HS3ST4: variants seen among roughly 807,000 people sequenced by gnomAD.
HS3ST4 encodes the protein heparan sulfate glucosamine 3-O-sulfotransferase 4.
HS3ST4 carries 17 observed loss-of-function variants against 29.2 expected under a neutral mutation model. The ratio of observed to expected loss-of-function variants is 0.58; its 90% CI spans 0.40 to 0.87. The LOEUF (loss-of-function observed/expected upper bound fraction) is 0.87. HS3ST4 is among the 40% of genes least tolerant of loss of function. HS3ST4 has a pLI of 0.00. For synonymous variants in HS3ST4, 314 were observed against 285.7 expected (o/e 1.10, Z -1.00); for missense variants, 627 against 634.5 (o/e 0.99, Z 0.13).
chr16:25,821,684 T>C (rs1324754938), intron 1 of HS3ST4, among the ~76,000 whole-genome samples: 1 of 152,176 alleles, frequency 6.6e-6, no homozygotes, highest in East Asian at 1.9e-4. Context: ...CCTAGCACTT[T>C]GGGAGGACGA....
At chr16:25,995,007 T>G (rs1160950337) in intron 1 of HS3ST4, among the ~76,000 whole-genome samples, 1 of 152,210 alleles carries the variant, frequency 6.6e-6, no homozygotes, top group East Asian at 1.9e-4. Context: ...AATTTAAAAC[T>G]TATTTCCATC....
At chr16:26,091,704 G>A (rs1399755497) in intron 1 of HS3ST4, among the ~76,000 whole-genome samples, 1 of 152,136 alleles carries the variant, frequency 6.6e-6, no homozygotes, top group East Asian at 1.9e-4. Context: ...CATTCATCCT[G>A]CAATGTCATG....
At chr16:25,730,355 C>T (rs758197689) in intron 1 of HS3ST4, among the ~76,000 whole-genome samples, 2 of 149,922 alleles carry the variant, frequency 1.3e-5, no homozygotes, top group Non-Finnish European at 3.0e-5. Context: ...TCCTTCTCCT[C>T]CCTCCCTCCC....
intron 1 of HS3ST4, among the ~76,000 whole-genome samples, chr16:25,961,449 T>A (rs1329030300): frequency 6.6e-6 from 1 of 152,242 alleles, no homozygotes; most frequent in East Asian, 1.9e-4. Flanking sequence ...CACACTCATG[T>A]GATTTATTCA....
In HS3ST4 at chr16:25,969,608, T is replaced by A. The variant is rs187357655; in HGVS notation, c.735-166004T>A. On this transcript the variant is annotated intron_variant, in intron 1 of 1. Coordinates refer to ENST00000331351, the MANE Select transcript of HS3ST4 (RefSeq NM_006040.3). ...ATGGCCTGGGACAACTCTCTTAGCA[T>A]CTCTGAGAGTCAGTTTTTTCATGAG... Among the ~76,000 whole-genome samples, 17 of 152,334 alleles carry A rather than the reference T, an allele frequency of 1.1e-4. No individual in the cohort carries two copies. In the East Asian group the frequency reaches 2.9e-3, roughly 26 times the overall value.
At chr16:25,804,375 A>G (rs1030823979) in intron 1 of HS3ST4, among the ~76,000 whole-genome samples, 2 of 152,170 alleles carry the variant, frequency 1.3e-5, no homozygotes, top group Admixed American at 6.5e-5. Context: ...TTGTCAATTC[A>G]GCTCTTCACC....
chr16:25,787,740 A>G (rs1237468294), intron 1 of HS3ST4, among the ~76,000 whole-genome samples: 1 of 152,238 alleles, frequency 6.6e-6, no homozygotes, highest in Non-Finnish European at 1.5e-5. Flanking sequence ...TCTCGATTTT[A>G]TGTGACAATT....
At chr16:25,857,919 C>CTTTCTTTCTTTCTTTCATTCTTT (rs1555469154) in intron 1 of HS3ST4, among the ~76,000 whole-genome samples, 16 of 58,028 alleles carry the variant, frequency 2.8e-4, no homozygotes, top group Non-Finnish European at 5.0e-4. Context: ...TTCCTTCCTT[C>CTTTCTTTCTTTCTTTCATTCTTT]CTTTCTTTCT....
chr16:25,745,122 C>T (rs575861830), intron 1 of HS3ST4, among the ~76,000 whole-genome samples: 26 of 152,158 alleles, frequency 1.7e-4, no homozygotes, highest in South Asian at 6.2e-4. Flanking sequence ...CTTAGTCACA[C>T]GCTTAGTTGC....
intron 1 of HS3ST4, among the ~76,000 whole-genome samples, chr16:25,990,526 G>A (rs1181993747): frequency 1.3e-5 from 2 of 152,234 alleles, no homozygotes; most frequent in Admixed American, 6.5e-5. Context: ...CCAAAGAGAC[G>A]AGTGTGAAGA....
intron 1 of HS3ST4, among the ~76,000 whole-genome samples, chr16:25,835,521 A>G (rs1967347972): frequency 6.6e-6 from 1 of 152,042 alleles, no homozygotes; most frequent in Non-Finnish European, 1.5e-5. Flanking sequence ...GCTAACGTTG[A>G]TTGAGCATTG....
At chr16:25,892,325 T>C (rs1419395837) in intron 1 of HS3ST4, among the ~76,000 whole-genome samples, 2 of 152,174 alleles carry the variant, frequency 1.3e-5, no homozygotes, top group African/African-American at 4.8e-5. Context: ...GAGGAGCTGA[T>C]TCTGTCACTT....
In HS3ST4 at chr16:25,794,903, A is replaced by G. The variant is rs927436819; in HGVS notation, c.734+101752A>G. On this transcript the variant is annotated intron_variant, in intron 1 of 1. Transcript: ENST00000331351. The stretch of plus-strand genomic sequence containing the variant: ...TAAACCTTTACTCAAGAATACACAC[A>G]CACACACACACACACACACACACAC... Among the ~76,000 whole-genome samples the G allele has an allele frequency of 4.0e-3, 213 of 53,472 alleles. 1 individual carries two copies. The highest frequency in any genetic ancestry group is 0.023 in the South Asian group (48 of 2,098). The allele number at this position is 53,472 out of a possible 152,430, so 35.1% of individuals were successfully genotyped here. A position where few individuals can be genotyped will look rare whatever the true frequency, so the allele number is the denominator to read the frequency against.
chr16:26,008,555 A>G (rs560163382), intron 1 of HS3ST4, among the ~76,000 whole-genome samples: 38 of 152,342 alleles, frequency 2.5e-4, no homozygotes, highest in African/African-American at 8.7e-4. Context: ...ACGTTGGCTT[A>G]TGCCTGTAAT....
At chr16:26,074,294 T>A (rs568136995) in intron 1 of HS3ST4, among the ~76,000 whole-genome samples, 27 of 151,900 alleles carry the variant, frequency 1.8e-4, no homozygotes, top group South Asian at 4.2e-4. Flanking sequence ...TCACAAACAA[T>A]TTTTTTTTCT....
intron 1 of HS3ST4, among the ~76,000 whole-genome samples, chr16:26,091,883 G>C (rs1898861605): frequency 6.6e-6 from 1 of 152,178 alleles, no homozygotes; most frequent in Non-Finnish European, 1.5e-5. Flanking sequence ...CGCCTGCTCT[G>C]TACTGAGGTC....
rs74765890 is a variant in HS3ST4, at chr16:25,968,437, C to G, written c.735-167175C>G. Among the ~76,000 whole-genome samples, 6 of 152,248 alleles carry G rather than the reference C, an allele frequency of 3.9e-5. No individual in the cohort carries two copies. In the East Asian group the frequency reaches 9.7e-4, roughly 25 times the overall value. ...CCGTGGTCGCCCCTTAGATGAGGCA[C>G]GTGCACTCCAATTTGCTGCCCCCAT... On this transcript the variant is annotated intron_variant, in intron 1 of 1. Coordinates refer to ENST00000331351, the MANE Select transcript of HS3ST4 (RefSeq NM_006040.3).
chr16:25,994,996 C>A (rs1969146267), intron 1 of HS3ST4, among the ~76,000 whole-genome samples: 1 of 152,116 alleles, frequency 6.6e-6, no homozygotes, highest in Non-Finnish European at 1.5e-5. Flanking sequence ...TTTCCCAATA[C>A]AATTTAAAAC....
chr16:25,724,100 G>A (rs572629827), intron 1 of HS3ST4, among the ~76,000 whole-genome samples: 2 of 117,984 alleles, frequency 1.7e-5, no homozygotes, highest in East Asian at 2.5e-4. Flanking sequence ...GCGACAGAGC[G>A]AGACTCCATC....
Sources: gnomAD v4.1 joint callset for allele counts (sites outside exome capture counted in the v4.1 genomes callset) on GRCh38, gnomAD v4.1.1 for gene constraint, MANE v1.5 for transcripts, NCBI Gene and HGNC (gene_info 2026-07-23, HGNC 2026-07-21) for gene names.